ANKRD44: variants seen among roughly 807,000 people sequenced by gnomAD.
The protein encoded by ANKRD44 is ankyrin repeat domain 44.
A neutral mutation model predicts 116.0 loss-of-function variants in ANKRD44; 35 were observed. The observed-to-expected ratio is 0.30, with a 90% CI of 0.23 to 0.40. ANKRD44 has a LOEUF of 0.40. Ranked by LOEUF, ANKRD44 falls within the 10% of genes least tolerant of loss-of-function variation. The pLI, the probability that ANKRD44 is intolerant of heterozygous loss-of-function variation, is 1.00. For missense variants in ANKRD44, 1,014 were observed against 1,242.6 expected, an observed-to-expected ratio of 0.82 and a Z score of 2.77; for synonymous variants, 435 against 461.8, an observed-to-expected ratio of 0.94 and a Z score of 0.74.
intron 2 of ANKRD44, among the ~76,000 whole-genome samples, chr2:197,153,303 G>C (rs2079711100): frequency 3.3e-5 from 5 of 150,082 alleles, no homozygotes; most frequent in Admixed American, 3.3e-4. Flanking sequence ...AGGAGGAGGA[G>C]GGTTCCAATT....
intron 2 of ANKRD44, among the ~76,000 whole-genome samples, chr2:197,154,527 C>A (rs528585498): frequency 1.3e-5 from 2 of 152,306 alleles, no homozygotes; most frequent in African/African-American, 4.8e-5. Context: ...TGACATGGTA[C>A]ATTCTGGTTT....
At chr2:196,981,997 A>G (rs2075804091), downstream of ANKRD44, among the ~76,000 whole-genome samples, 1 of 149,836 alleles carries the variant, frequency 6.7e-6, no homozygotes, top group African/African-American at 2.5e-5. Context: ...TCGCTGCTAG[A>G]TCCTCCTCCT....
chr2:197,296,675 T>C (rs2083732960), intron 1 of ANKRD44: 1 of 152,228 alleles, frequency 6.6e-6, no homozygotes, highest in African/African-American at 2.4e-5. Context: ...TGACCCTTTT[T>C]ACTTTGCCCT....
At chr2:197,101,484 A>C (rs1284965985) in intron 9 of ANKRD44, among the ~76,000 whole-genome samples, 1 of 152,232 alleles carries the variant, frequency 6.6e-6, no homozygotes, top group Non-Finnish European at 1.5e-5. Context: ...TGGGAAAAGA[A>C]ACAGCCCTGA....
At chr2:196,996,664 G>A (rs1245687907) in intron 25 of ANKRD44, among the ~76,000 whole-genome samples, 1 of 152,006 alleles carries the variant, frequency 6.6e-6, no homozygotes, top group Non-Finnish European at 1.5e-5. Flanking sequence ...TAGCACTTTG[G>A]GATGCCAAGG....
At chr2:197,150,962 T>C (rs2079631505) in intron 2 of ANKRD44, among the ~76,000 whole-genome samples, 1 of 152,162 alleles carries the variant, frequency 6.6e-6, no homozygotes, top group Non-Finnish European at 1.5e-5. Context: ...AGAGATGCCT[T>C]GTCCCGGGTT....
chr2:197,258,102 T>G, intron 1 of ANKRD44, among the ~76,000 whole-genome samples: 1 of 151,830 alleles, frequency 6.6e-6, no homozygotes, highest in East Asian at 1.9e-4. Flanking sequence ...TTTATTTATT[T>G]ATTCATTTAT....
chr2:197,224,654 G>T (rs1163097622), intron 1 of ANKRD44, among the ~76,000 whole-genome samples: 1 of 151,806 alleles, frequency 6.6e-6, no homozygotes, highest in African/African-American at 2.4e-5. Flanking sequence ...TTGGTTTGTT[G>T]CGCTTTTCTA....
In ANKRD44 at chr2:197,246,350, C is replaced by CTTTTTTTT. The variant is rs67655796; in HGVS notation, c.28-59252_28-59245dup. ...TACAAGTATGCACCACTACATCTGG[C>CTTTTTTTT]TTTTTTTTTTTTTTTTTTTTTTTTT... On this transcript the variant is annotated intron_variant, in intron 1 of 27. Transcript: ENST00000282272. 9.1e-3 allele frequency among the ~76,000 whole-genome samples: 596 copies of CTTTTTTTT among 65,838 alleles called. 192 individuals are homozygous for CTTTTTTTT. The highest frequency in any genetic ancestry group is 0.027 in the African/African-American group (397 of 14,820). The allele number at this position is 65,838 out of a possible 152,430, so 43.2% of individuals were successfully genotyped here.
intron 7 of ANKRD44, among the ~76,000 whole-genome samples, chr2:197,121,790 T>C (rs1031172405): frequency 1.3e-5 from 2 of 152,012 alleles, no homozygotes; most frequent in Non-Finnish European, 2.9e-5. Flanking sequence ...TGGGGAGAGG[T>C]ATTTTTCAGC....
chr2:197,041,543 C>T (rs1484241424), intron 16 of ANKRD44, among the ~76,000 whole-genome samples: 1 of 152,188 alleles, frequency 6.6e-6, no homozygotes, highest in Non-Finnish European at 1.5e-5. Context: ...TTGCCTAATG[C>T]CAGCAATTGC....
At chr2:197,182,664 A>G (rs139081059) in intron 2 of ANKRD44, among the ~76,000 whole-genome samples, 1 of 130,196 alleles carries the variant, frequency 7.7e-6, no homozygotes, top group East Asian at 2.8e-4. Context: ...CATACACTAC[A>G]ATCTGCACAT....
At chr2:197,259,165 A>C (rs548775796) in intron 1 of ANKRD44, among the ~76,000 whole-genome samples, 5 of 152,332 alleles carry the variant, frequency 3.3e-5, no homozygotes, top group Non-Finnish European at 5.9e-5. Flanking sequence ...AGGAAGATTA[A>C]TGAACTGGGT....
intron 20 of ANKRD44, 140 bp from the exon 21 acceptor site, chr2:197,006,050 G>A (rs2076196020): frequency 1.2e-5 from 9 of 730,452 alleles, no homozygotes; most frequent in South Asian, 8.7e-5. Flanking sequence ...CTATTTCAAG[G>A]GCAGAAGGCA....
intron 21 of ANKRD44, among the ~76,000 whole-genome samples, chr2:197,004,481 C>G (rs2076168937): frequency 6.6e-6 from 1 of 151,948 alleles, no homozygotes; most frequent in Admixed American, 6.6e-5. Flanking sequence ...AAAAAGTGAA[C>G]AGTGGATGGA....
At chr2:197,254,362 CA>C (rs1383725740) in intron 1 of ANKRD44, among the ~76,000 whole-genome samples, 1 of 151,902 alleles carries the variant, frequency 6.6e-6, no homozygotes, top group Non-Finnish European at 1.5e-5. Context: ...CCAGCCTGAG[CA>C]ATAGAGCAAG....
chr2:196,993,548 G>A (rs2075957963), intron 27 of ANKRD44, 35 bp downstream of exon 27: 1 of 1,495,852 alleles, frequency 6.7e-7, no homozygotes, highest in Non-Finnish European at 9.1e-7. Context: ...GCTTATGGAA[G>A]GTACCTGCAG....
intron 2 of ANKRD44, among the ~76,000 whole-genome samples, chr2:197,160,527 T>C (rs1483731752): frequency 6.6e-6 from 1 of 152,190 alleles, no homozygotes; most frequent in Non-Finnish European, 1.5e-5. Flanking sequence ...ATCCTGGCCA[T>C]TGTAGCCTGT....
intron 2 of ANKRD44, among the ~76,000 whole-genome samples, chr2:197,184,195 A>G (rs543219999): frequency 1.3e-5 from 2 of 152,310 alleles, no homozygotes; most frequent in Admixed American, 1.3e-4. Flanking sequence ...AAGATTGCTA[A>G]CTACTCACTA....
Sources: gnomAD v4.1 joint callset for allele counts (sites outside exome capture counted in the v4.1 genomes callset) on GRCh38, gnomAD v4.1.1 for gene constraint, MANE v1.5 for transcripts, NCBI Gene and HGNC (gene_info 2026-07-23, HGNC 2026-07-21) for gene names.